Variants in MIPEP observed in about 807,000 individuals in gnomAD.
The protein encoded by MIPEP is mitochondrial intermediate peptidase.
MIPEP carries 79 observed loss-of-function variants against 90.3 expected under a neutral mutation model. The ratio of observed to expected loss-of-function variants is 0.87; its 90% CI spans 0.73 to 1.05. The LOEUF is 1.05. MIPEP is among the 50% of genes least tolerant of loss of function. The pLI is 0.00. For missense variants in MIPEP, 940 were observed against 905.6 expected (o/e 1.04, Z -0.49); for synonymous variants, 334 against 315.8 (o/e 1.06, Z -0.61).
chr13:23,852,844 T>C (rs1408188398), intron 10 of MIPEP, among the ~76,000 whole-genome samples: 1 of 152,188 alleles, frequency 6.6e-6, no homozygotes, highest in Non-Finnish European at 1.5e-5. Context: ...GACCTTCTAG[T>C]AGGACAAGAT....
At chr13:23,779,599 G>A (rs535776120) in intron 16 of MIPEP, among the ~76,000 whole-genome samples, 13 of 152,144 alleles carry the variant, frequency 8.5e-5, no homozygotes, top group South Asian at 4.2e-4. Flanking sequence ...GGGGCTCGTC[G>A]GACAGTAGGG....
intron 16 of MIPEP, 128 bp downstream of exon 16, chr13:23,805,822 T>G (rs1046942407): frequency 1.0e-6 from 1 of 968,132 alleles, no homozygotes; most frequent in African/African-American, 1.7e-5. Flanking sequence ...TTCCAGCATT[T>G]GAGCCATGTG....
chr13:23,774,223 T>A (rs1952686345), intron 16 of MIPEP, among the ~76,000 whole-genome samples: 1 of 152,176 alleles, frequency 6.6e-6, no homozygotes, highest in East Asian at 1.9e-4. Context: ...CATAAATGTA[T>A]GGCTTTTTTT....
Position 23,799,073 on chromosome 13 carries a change from G to A in MIPEP, c.1848+6877C>T, listed in dbSNP as rs141809873. Among the ~76,000 whole-genome samples, 442 of 131,156 alleles carry A rather than the reference G, an allele frequency of 3.4e-3. 1 individual carries two copies. Among genetic ancestry groups the A allele is most frequent in the African/African-American group, 0.012 (429 of 35,012 alleles). The allele number at this position is 131,156 out of a possible 152,430, so 86.0% of individuals were successfully genotyped here. ...AGCTGGGGTGCAGTGGTGTGATTTCGGCTCACTGCAACTGCCACCTCCCAG... is the reference window on the plus strand; with the variant it reads ...AGCTGGGGTGCAGTGGTGTGATTTCAGCTCACTGCAACTGCCACCTCCCAG... On this transcript the variant is annotated intron_variant, in intron 16 of 18. Transcript: ENST00000382172.
intron 18 of MIPEP, among the ~76,000 whole-genome samples, chr13:23,743,094 A>C (rs533895859): frequency 1.3e-5 from 2 of 152,358 alleles, no homozygotes; most frequent in South Asian, 2.1e-4. Flanking sequence ...GGATGTACCA[A>C]AAAGCAGATT....
chr13:23,858,952 T>G lies in MIPEP; in HGVS notation c.1054-40A>C, dbSNP rs929339842. On this transcript the variant is annotated intron_variant, in intron 9 of 18. Transcript: ENST00000382172. Reference sequence around the variant, plus strand: ...TTCACTGTTAAGGAAAGCTACTGACTCTTTCATAGTTTTTATCAGCAACGT... The same window carrying G: ...TTCACTGTTAAGGAAAGCTACTGACGCTTTCATAGTTTTTATCAGCAACGT... 33 of 1,567,174 alleles carry G rather than the reference T, an allele frequency of 2.1e-5. No homozygotes were observed. The African/African-American group carries it at 3.7e-4, about 17-fold the overall frequency.
chr13:23,784,832 A>G (rs1952820428), intron 16 of MIPEP, among the ~76,000 whole-genome samples: 1 of 152,244 alleles, frequency 6.6e-6, no homozygotes, highest in African/African-American at 2.4e-5. Context: ...GGTGAAGGAT[A>G]TGAACAGACA....
intron 17 of MIPEP, chr13:23,756,891 A>C (rs538872329): frequency 2.3e-6 from 1 of 436,674 alleles, no homozygotes; most frequent in South Asian, 3.0e-5. Flanking sequence ...TTATAAAAAT[A>C]ATTAACTTAT....
chr13:23,766,256 G>C (rs1593141432), intron 16 of MIPEP, among the ~76,000 whole-genome samples: 1 of 152,344 alleles, frequency 6.6e-6, no homozygotes, highest in East Asian at 1.9e-4. Context: ...GGATCATGCA[G>C]AGAATCTGAG....
Position 23,862,374 on chromosome 13 carries a change from GT to G in MIPEP, c.993-13del. 1 of 1,529,628 alleles carries G rather than the reference GT, an allele frequency of 6.5e-7. No individual in the cohort carries two copies. Among genetic ancestry groups the G allele is most frequent in the Non-Finnish European group, 9.0e-7 (1 of 1,116,702 alleles). The allele number at this position is 1,529,628 out of a possible 1,614,324, so 94.8% of individuals were successfully genotyped here. A position where few individuals can be genotyped will look rare whatever the true frequency, so the allele number is the denominator to read the frequency against. Reference sequence around the variant, plus strand: ...AATCTTTCAGAGTTCTATAAAACAGGTTTATCATTACTTGTTAGGACAAAAT... The same window carrying G: ...AATCTTTCAGAGTTCTATAAAACAGGTTATCATTACTTGTTAGGACAAAAT... On this transcript the variant is annotated splice_polypyrimidine_tract_variant and intron_variant, in intron 8 of 18. Coordinates refer to ENST00000382172, the MANE Select transcript of MIPEP (RefSeq NM_005932.4).
At chr13:23,808,832 T>G (rs9510867) in intron 15 of MIPEP, among the ~76,000 whole-genome samples, 23,487 of 152,260 alleles carry the variant, frequency 0.15, 1,950 homozygotes, top group South Asian at 0.23. Context: ...AAACATGTAT[T>G]TCATGTTTGA....
At chr13:23,742,781 T>C (rs1377678555) in intron 18 of MIPEP, among the ~76,000 whole-genome samples, 1 of 152,202 alleles carries the variant, frequency 6.6e-6, no homozygotes, top group East Asian at 1.9e-4. Flanking sequence ...AAATAAAAGA[T>C]GGAATTAAAA....
chr13:23,843,176 T>C (rs1869380600), intron 10 of MIPEP, among the ~76,000 whole-genome samples: 1 of 144,314 alleles, frequency 6.9e-6, no homozygotes, highest in African/African-American at 2.6e-5. Flanking sequence ...GGAATCATAA[T>C]AGGAATTCTA....
chr13:23,827,113 T>C (rs563878022), intron 14 of MIPEP, among the ~76,000 whole-genome samples: 1 of 152,216 alleles, frequency 6.6e-6, no homozygotes, highest in Non-Finnish European at 1.5e-5. Context: ...CCAAGGATTT[T>C]GGTAGCCACG....
At chr13:23,769,583 G>T (rs982544894) in intron 16 of MIPEP, among the ~76,000 whole-genome samples, 1 of 152,160 alleles carries the variant, frequency 6.6e-6, no homozygotes, top group Non-Finnish European at 1.5e-5. Context: ...TGGGGGGAGG[G>T]CTATAACTGG....
At position 23,855,284 on chromosome 13, in the gene MIPEP, T is replaced by C. The variant is rs115315275; in HGVS notation, c.1106+3576A>G. Reference sequence around the variant, plus strand: ...TCTTTAAGACTTGCTGACAGTCACTTATACTACTACGGTATTTTCCAGGAT... The same window carrying C: ...TCTTTAAGACTTGCTGACAGTCACTCATACTACTACGGTATTTTCCAGGAT... On this transcript the variant is annotated intron_variant, in intron 10 of 18. Transcript: ENST00000382172. Among the ~76,000 whole-genome samples, 1,162 of 152,334 alleles carry C rather than the reference T, an allele frequency of 7.6e-3. 15 individuals are homozygous for C. Among genetic ancestry groups the C allele is most frequent in the African/African-American group, 0.026 (1,099 of 41,572 alleles).
intron 10 of MIPEP, among the ~76,000 whole-genome samples, chr13:23,846,023 T>A (rs1447903122): frequency 3.3e-5 from 5 of 152,188 alleles, no homozygotes; most frequent in South Asian, 4.1e-4. Flanking sequence ...CAAGCGATTC[T>A]CCTGCCTCCT....
intron 8 of MIPEP, 70 bp from the exon 9 acceptor site, chr13:23,862,432 G>T: frequency 1.2e-6 from 1 of 844,274 alleles, no homozygotes. Context: ...GGACTAGTTT[G>T]CTTATGTTAC....
At position 23,794,350 on chromosome 13, in the gene MIPEP, T is replaced by G. The variant is rs78621597; in HGVS notation, c.1848+11600A>C. ...TACTTACTCAACATAAAATTAAAAT[T>G]AAAAATTAACAACACTCAACTGGAG... On this transcript the variant is annotated intron_variant, in intron 16 of 18. Coordinates refer to ENST00000382172, the MANE Select transcript of MIPEP (RefSeq NM_005932.4). 1.3e-3 allele frequency among the ~76,000 whole-genome samples: 193 copies of G among 152,188 alleles called. 1 individual carries two copies. The highest frequency in any genetic ancestry group is 4.5e-3 in the African/African-American group (185 of 41,508).
Sources: allele counts gnomAD v4.1 joint callset (sites outside exome capture counted in the v4.1 genomes callset), GRCh38; gene constraint gnomAD v4.1.1; transcripts MANE v1.5; gene names NCBI Gene and HGNC (gene_info 2026-07-23, HGNC 2026-07-21).